EHBP1: variants seen among roughly 807,000 people sequenced by gnomAD.
The protein encoded by EHBP1 is EH domain-binding protein 1.
Under a neutral mutation model 144.0 loss-of-function variants are expected in EHBP1, and 55 were observed. The observed-to-expected ratio is 0.38, with a 90% CI of 0.31 to 0.48. EHBP1 has a LOEUF of 0.48. Among genes scored for constraint, EHBP1 ranks in the 20% least tolerant of loss-of-function variants. The pLI is 0.98. For synonymous variants in EHBP1, 469 were observed against 472.7 expected (o/e 0.99, Z 0.10); for missense variants, 1,200 against 1,364.2 (o/e 0.88, Z 1.90).
chr2:62,978,391 C>T (rs192870645), intron 14 of EHBP1, among the ~76,000 whole-genome samples: 2 of 151,986 alleles, frequency 1.3e-5, no homozygotes, highest in African/African-American at 2.4e-5. Context: ...TTAGTAGAGA[C>T]GAGGTTTCAC....
At chr2:62,729,437 TAA>T (rs1356321704) in intron 2 of EHBP1, among the ~76,000 whole-genome samples, 1 of 116,486 alleles carries the variant, frequency 8.6e-6, no homozygotes, top group Non-Finnish European at 1.7e-5. Context: ...ATAATAATAA[TAA>T]ATATAATAAT....
chr2:62,846,911 C>A (rs2048334563), intron 7 of EHBP1, among the ~76,000 whole-genome samples: 1 of 152,138 alleles, frequency 6.6e-6, no homozygotes, highest in African/African-American at 2.4e-5. Context: ...TTCCTCAAAT[C>A]AATCTGTAAA....
chr2:62,888,107 T>C (rs1276562112), intron 10 of EHBP1, among the ~76,000 whole-genome samples: 1 of 152,152 alleles, frequency 6.6e-6, no homozygotes, highest in Non-Finnish European at 1.5e-5. Context: ...GGAGGCACAT[T>C]GTCTTAGGTT....
At chr2:63,014,282 T>C (rs2060392741) in intron 19 of EHBP1, among the ~76,000 whole-genome samples, 1 of 152,216 alleles carries the variant, frequency 6.6e-6, no homozygotes, top group Admixed American at 6.5e-5. Flanking sequence ...ATCTCTAATC[T>C]GCCCCTTTAG....
At chr2:62,708,160 C>T (rs1302594195) in intron 2 of EHBP1, among the ~76,000 whole-genome samples, 1 of 152,042 alleles carries the variant, frequency 6.6e-6, no homozygotes, top group African/African-American at 2.4e-5. Flanking sequence ...TTCTTTTTAA[C>T]ATCCATTTTA....
Position 63,045,501 on chromosome 2 carries a change from C to A in EHBP1, c.*1C>A. On this transcript the variant is annotated 3_prime_UTR_variant, in exon 23 of 23. Coordinates refer to ENST00000431489, the MANE Select transcript of EHBP1 (RefSeq NM_001142616.3). The surrounding 1 kb of genome is among the most constrained non-coding windows in gnomAD (Gnocchi z 5.7). The stretch of plus-strand genomic sequence containing the variant: ...AGAGGAGAAATGTGTTCTTCAGTAG[C>A]CATCAGATCAGAAAGAATCTCTCCC... 1.2e-6 allele frequency: 2 copies of A among 1,610,300 alleles called. No homozygotes were observed. Among genetic ancestry groups the A allele is most frequent in the Non-Finnish European group, 1.7e-6 (2 of 1,177,220 alleles).
chr2:62,685,162 A>G (rs1179819692), intron 1 of EHBP1, among the ~76,000 whole-genome samples: 2 of 152,230 alleles, frequency 1.3e-5, no homozygotes, highest in African/African-American at 4.8e-5. Context: ...CACTAAGAGA[A>G]TAAATTTCAA....
At chr2:62,813,244 T>G (rs1573487707) in intron 5 of EHBP1, among the ~76,000 whole-genome samples, 1 of 152,160 alleles carries the variant, frequency 6.6e-6, no homozygotes, top group African/African-American at 2.4e-5. Context: ...TTGTGCTGCA[T>G]CTCTGCAGGC....
chr2:62,803,754 C>T (rs1007029154), intron 5 of EHBP1, among the ~76,000 whole-genome samples: 2 of 152,132 alleles, frequency 1.3e-5, no homozygotes, highest in African/African-American at 2.4e-5. Context: ...GCAAATAGTG[C>T]CTTTCATCAC....
intron 10 of EHBP1, among the ~76,000 whole-genome samples, chr2:62,923,399 G>A (rs1462686612): frequency 1.3e-5 from 2 of 152,164 alleles, no homozygotes; most frequent in Non-Finnish European, 2.9e-5. Context: ...ACATTCTCAG[G>A]CTGGCAGAGC....
chr2:62,834,687 CTG>C (rs2047077784), intron 7 of EHBP1, among the ~76,000 whole-genome samples: 1 of 152,172 alleles, frequency 6.6e-6, no homozygotes, highest in Non-Finnish European at 1.5e-5. Flanking sequence ...AGCAATATGT[CTG>C]AGATTATACC....
At chr2:62,824,863 T>A (rs898657645) in intron 5 of EHBP1, among the ~76,000 whole-genome samples, 2 of 151,982 alleles carry the variant, frequency 1.3e-5, no homozygotes, top group Non-Finnish European at 2.9e-5. Context: ...GGCAAATTTT[T>A]CAAACATAGG....
intron 16 of EHBP1, among the ~76,000 whole-genome samples, chr2:62,992,360 TA>T (rs2059448909): frequency 6.6e-6 from 1 of 152,260 alleles, no homozygotes; most frequent in East Asian, 1.9e-4. Context: ...TAGATAACTT[TA>T]AAAAAATAAA....
At chr2:62,933,686 G>A (rs1238951767) in intron 10 of EHBP1, among the ~76,000 whole-genome samples, 1 of 152,160 alleles carries the variant, frequency 6.6e-6, no homozygotes, top group African/African-American at 2.4e-5. Flanking sequence ...TAAGAAAGAA[G>A]CATAAAAGTG....
At chr2:62,864,291 T>C (rs2058567) in intron 8 of EHBP1, among the ~76,000 whole-genome samples, 97,919 of 152,018 alleles carry the variant, frequency 0.64, 31,719 homozygotes, top group South Asian at 0.7. Flanking sequence ...ACTACAGGTG[T>C]GCACCACCAT....
chr2:62,740,452 C>G (rs1045838881), intron 2 of EHBP1, among the ~76,000 whole-genome samples: 4 of 152,026 alleles, frequency 2.6e-5, no homozygotes, highest in Non-Finnish European at 4.4e-5. Context: ...TAATAGGAGG[C>G]AGATGTACCT....
intron 7 of EHBP1, among the ~76,000 whole-genome samples, chr2:62,842,345 A>G (rs1407052083): frequency 6.6e-6 from 1 of 152,096 alleles, no homozygotes; most frequent in East Asian, 1.9e-4. Flanking sequence ...CTTTCCTCCC[A>G]AAGTGCTGAG....
intron 2 of EHBP1, among the ~76,000 whole-genome samples, chr2:62,719,703 A>G (rs2036027041): frequency 1.3e-5 from 2 of 152,268 alleles, no homozygotes; most frequent in African/African-American, 4.8e-5. Context: ...AAAATACAGT[A>G]TAAAACAATA....
chr2:62,821,905 A>G (rs1197642103), intron 5 of EHBP1, among the ~76,000 whole-genome samples: 2 of 152,114 alleles, frequency 1.3e-5, no homozygotes, highest in African/African-American at 4.8e-5. Context: ...TTGATATAGG[A>G]ATGCAATGCA....
Sources: gnomAD v4.1 joint callset for allele counts (sites outside exome capture counted in the v4.1 genomes callset) on GRCh38, gnomAD v4.1.1 for gene constraint, Gnocchi (gnomAD v3.1) non-coding constraint, MANE v1.5 for transcripts, NCBI Gene and HGNC (gene_info 2026-07-23, HGNC 2026-07-21) for gene names.